The following DNM1L variants were observed in gnomAD, a reference collection of about 807,000 sequenced individuals.
DNM1L encodes the protein dynamin 1L.
Under a neutral mutation model 92.8 loss-of-function variants are expected in DNM1L, and 33 were observed. The ratio of observed to expected loss-of-function variants is 0.36; its 90% confidence interval spans 0.27 to 0.48. The LOEUF is 0.48. Ranked by LOEUF, DNM1L falls within the 20% of genes least tolerant of loss-of-function variation. The pLI, the probability that DNM1L is intolerant of heterozygous loss-of-function variation, is 0.99. For missense variants in DNM1L, 485 were observed against 888.8 expected (o/e 0.55, Z 5.78); for synonymous variants, 284 against 305.0 (o/e 0.93, Z 0.72).
chr12:32,718,301 C>G (rs1953643158), intron 6 of DNM1L, among the ~76,000 whole-genome samples: 1 of 151,404 alleles, frequency 6.6e-6, no homozygotes, highest in Non-Finnish European at 1.5e-5. Context: ...GCCACTGTGC[C>G]TGGCTAATTT....
chr12:32,680,211 A>ATT (rs1450006119), intron 1 of DNM1L, among the ~76,000 whole-genome samples: 14 of 150,478 alleles, frequency 9.3e-5, no homozygotes, highest in African/African-American at 3.4e-4. Context: ...TAGCTAACTC[A>ATT]TTTTTTTTTG....
At chr12:32,717,191 A>C in intron 6 of DNM1L, among the ~76,000 whole-genome samples, 1 of 117,408 alleles carries the variant, frequency 8.5e-6, no homozygotes, top group Non-Finnish European at 1.7e-5. Flanking sequence ...AGTATATACT[A>C]TATATATTTA....
intron 2 of DNM1L, among the ~76,000 whole-genome samples, chr12:32,703,630 AAAG>A (rs1168896296): frequency 9.2e-5 from 14 of 151,896 alleles, no homozygotes; most frequent in Non-Finnish European, 1.8e-4. Context: ...AAAAAAAAAA[AAAG>A]AAATCAGTTA....
At chr12:32,717,348 T>C (rs1413576694) in intron 6 of DNM1L, among the ~76,000 whole-genome samples, 23 of 64,868 alleles carry the variant, frequency 3.5e-4, no homozygotes, top group Non-Finnish European at 4.6e-4. Flanking sequence ...ATACTATATA[T>C]TATATATAGT....
chr12:32,679,634 C>T (rs1951726336), intron 1 of DNM1L, 169 bp downstream of exon 1: 1 of 1,329,964 alleles, frequency 7.5e-7, no homozygotes, highest in Non-Finnish European at 9.6e-7. Flanking sequence ...CTGCCGCACC[C>T]GCCCTCCCGG....
chr12:32,679,845 T>C, intron 1 of DNM1L: 1 of 999,036 alleles, frequency 1.0e-6, no homozygotes, highest in Non-Finnish European at 1.2e-6. Context: ...CGCGGGGCAC[T>C]CGGGTCTCGC....
intron 1 of DNM1L, among the ~76,000 whole-genome samples, chr12:32,685,949 A>C (rs1184281577): frequency 1.3e-5 from 2 of 148,456 alleles, no homozygotes; most frequent in African/African-American, 5.0e-5. Context: ...TTCTTAGATA[A>C]ATTTATGTTT....
chr12:32,708,250 G>A (rs751776858), intron 4 of DNM1L, 26 bp downstream of exon 4: 4 of 1,370,182 alleles, frequency 2.9e-6, no homozygotes, highest in Non-Finnish European at 4.2e-6. Flanking sequence ...GAGCTAGAAG[G>A]CATAAGCATC....
chr12:32,697,472 C>T (rs1952513937), intron 1 of DNM1L, among the ~76,000 whole-genome samples: 2 of 152,160 alleles, frequency 1.3e-5, no homozygotes, highest in African/African-American at 2.4e-5. Flanking sequence ...TAAAAAACTA[C>T]TTTCAGTAAT....
chr12:32,737,859 C>T lies in DNM1L; in HGVS notation c.1597-6C>T, dbSNP rs777900584. 1 of 1,613,652 alleles carries T rather than the reference C, an allele frequency of 6.2e-7. No individual in the cohort carries two copies. The highest frequency in any genetic ancestry group is 8.5e-7 in the Non-Finnish European group (1 of 1,179,800). On this transcript the variant is annotated splice_polypyrimidine_tract_variant and splice_region_variant and intron_variant, in intron 14 of 19. Transcript: ENST00000549701. ...TTTTTTTCCCCCCTGGATTTTTTGC[C>T]TTTAGTCTTCTAAAGTTCCAAGTGC...
intron 1 of DNM1L, among the ~76,000 whole-genome samples, chr12:32,691,221 G>A (rs573631847): frequency 6.6e-6 from 1 of 152,120 alleles, no homozygotes; most frequent in African/African-American, 2.4e-5. Flanking sequence ...AGTCAGTTTG[G>A]ATTATGGGCC....
chr12:32,698,291 G>A (rs757788619), intron 1 of DNM1L, among the ~76,000 whole-genome samples: 3 of 152,178 alleles, frequency 2.0e-5, no homozygotes, highest in Non-Finnish European at 2.9e-5. Flanking sequence ...GAAATGAGGA[G>A]CCCTGGCAGG....
chr12:32,740,302 TAGAC>T (rs1216800288), intron 17 of DNM1L, 62 bp downstream of exon 17: 4 of 1,612,660 alleles, frequency 2.5e-6, no homozygotes, highest in Admixed American at 3.3e-5. Context: ...GGAAAACGAT[TAGAC>T]AGAAAGAACT....
chr12:32,680,744 G>A (rs187293978), intron 1 of DNM1L, among the ~76,000 whole-genome samples: 2 of 152,300 alleles, frequency 1.3e-5, no homozygotes, highest in Non-Finnish European at 2.9e-5. Flanking sequence ...GGGACATATA[G>A]TAAGTGCTCT....
Position 32,707,420 on chromosome 12 carries a change from A to G in DNM1L, c.297+7A>G. ...TCTTCACACCAAAAATAAGGTAATCACACATGCATATAATGAAGAAATAAT... is the reference window on the plus strand; with the variant it reads ...TCTTCACACCAAAAATAAGGTAATCGCACATGCATATAATGAAGAAATAAT... On this transcript the variant is annotated splice_region_variant and intron_variant, in intron 3 of 19. Coordinates refer to ENST00000549701, the MANE Select transcript of DNM1L (RefSeq NM_012062.5). The G allele has an allele frequency of 6.3e-7, 1 of 1,589,534 alleles. No individual in the cohort carries two copies. The highest frequency in any genetic ancestry group is 8.6e-7 in the Non-Finnish European group (1 of 1,166,424).
chr12:32,679,786 GGCGCGGCCTC>G lies in DNM1L; in HGVS notation c.102+323_102+332del, dbSNP rs930315814. The stretch of plus-strand genomic sequence containing the variant: ...GCGGAACTGGAGTCCGCTGGGACCG[GGCGCGGCCTC>G]GTCCGCGTGCCGCTGCCTCCAAGGG... On this transcript the variant is annotated intron_variant, in intron 1 of 19. Coordinates refer to ENST00000549701, the MANE Select transcript of DNM1L (RefSeq NM_012062.5). The G allele has an allele frequency of 2.5e-4, 263 of 1,049,736 alleles. 2 individuals are homozygous for G. Among genetic ancestry groups the G allele is most frequent in the Non-Finnish European group, 1.8e-4 (160 of 871,046 alleles). The allele number at this position is 1,049,736 out of a possible 1,614,324, so 65.0% of individuals were successfully genotyped here.
chr12:32,721,890 ACCCACTTACTG>A (rs1434205819), intron 8 of DNM1L, among the ~76,000 whole-genome samples: 2 of 152,170 alleles, frequency 1.3e-5, no homozygotes, highest in Non-Finnish European at 2.9e-5. Context: ...CTTAGCATAT[ACCCACTTACTG>A]TAAAGCATAT....
intron 4 of DNM1L, among the ~76,000 whole-genome samples, chr12:32,709,130 C>T (rs992700985): frequency 2.0e-5 from 3 of 152,114 alleles, no homozygotes; most frequent in African/African-American, 7.2e-5. Context: ...CAGTGACTGA[C>T]TGAGCTTTGT....
At chr12:32,736,126 C>T (rs1954861683) in intron 13 of DNM1L, among the ~76,000 whole-genome samples, 2 of 140,076 alleles carry the variant, frequency 1.4e-5, no homozygotes, top group African/African-American at 2.7e-5. Context: ...GGCTGGAGTG[C>T]AGTGGCATGA....
Sources: allele counts gnomAD v4.1 joint callset (sites outside exome capture counted in the v4.1 genomes callset), GRCh38; gene constraint gnomAD v4.1.1; transcripts MANE v1.5; gene names NCBI Gene and HGNC (gene_info 2026-07-23, HGNC 2026-07-21).